The following SP110 variants were observed in gnomAD, a reference collection of about 807,000 sequenced individuals.
SP110 encodes SP110 nuclear body protein.
In SP110, 62 loss-of-function variants were observed where a neutral mutation model predicts 92.7. The ratio of observed to expected loss-of-function variants is 0.67; its 90% CI spans 0.55 to 0.83. SP110 has a LOEUF of 0.83. SP110 is among the 40% of genes least tolerant of loss of function. The probability of loss-of-function intolerance (pLI) is 0.00; values close to 1 mark genes in which losing one functional copy is unlikely to be tolerated. For synonymous variants in SP110, 273 were observed against 305.3 expected (o/e 0.89, Z 1.10); for missense variants, 793 against 863.9 (o/e 0.92, Z 1.03).
intron 18 of SP110, 137 bp downstream of exon 18, chr2:230,170,484 G>T (rs779529112): frequency 1.4e-4 from 150 of 1,044,734 alleles, no homozygotes; most frequent in Middle Eastern, 2.1e-4. Flanking sequence ...TGCCGAGGTG[G>T]TTTTTTTTCT....
At chr2:230,207,728 C>T (rs909765208) in intron 8 of SP110, among the ~76,000 whole-genome samples, 1 of 152,312 alleles carries the variant, frequency 6.6e-6, no homozygotes, top group South Asian at 2.1e-4. Context: ...CTCTGCATCT[C>T]CACTGTCAGA....
intron 6 of SP110, among the ~76,000 whole-genome samples, chr2:230,210,629 A>G (rs1372177983): frequency 6.6e-6 from 1 of 152,226 alleles, no homozygotes; most frequent in Non-Finnish European, 1.5e-5. Context: ...AGCACCTGTT[A>G]ACAGCAAAGA....
intron 17 of SP110, 138 bp downstream of exon 17, chr2:230,171,558 G>A: frequency 1.4e-6 from 1 of 738,724 alleles, no homozygotes; most frequent in South Asian, 1.5e-5. Flanking sequence ...CAAAATCCCT[G>A]CTGCCCCGCT....
rs756202587 is a variant in SP110, at chr2:230,169,205, T to C, written c.2061A>G (p.Leu687=). The C allele has an allele frequency of 9.3e-6, 15 of 1,613,354 alleles. No individual in the cohort carries two copies. The highest frequency in any genetic ancestry group is 1.7e-5 in the Admixed American group (1 of 60,008). ...TGAGATCTTTTTCAAATTCTGCCTC[T>C]AAGTCAAGTCCTACCTGGCCAAAGT... ...ASDFGQVGLD[L]EAEFEKDLKD... Residue 687 remains leucine (L), a synonymous_variant, in exon 19 of 19, where the codon TTA becomes TTG. Transcript: ENST00000258381.
chr2:230,165,377 A>C lies in SP110; in HGVS notation c.*3747T>G, dbSNP rs1047963598. The stretch of plus-strand genomic sequence containing the variant: ...AGTATGGAGAAGTCGTGTCAAGAAA[A>C]GACCAGCAGGGAATCTTAAACAGTG... On this transcript the variant is annotated 3_prime_UTR_variant, in exon 19 of 19. Transcript: ENST00000258381. Among the ~76,000 whole-genome samples the C allele has an allele frequency of 1.3e-5, 2 of 152,250 alleles. No individual in the cohort carries two copies. Among genetic ancestry groups the C allele is most frequent in the Middle Eastern group, 3.2e-3 (1 of 316 alleles).
At position 230,176,876 on chromosome 2, in the gene SP110, CCA is replaced by C; in HGVS notation, c.1590+660_1590+661del. 3.9e-6 allele frequency: 3 copies of C among 774,632 alleles called. No individual in the cohort carries two copies. In the South Asian group the frequency reaches 4.8e-5, roughly 12 times the overall value. 48.0% of individuals were successfully genotyped at this position (774,632 alleles called of 1,614,324 possible). The stretch of plus-strand genomic sequence containing the variant: ...CAAAAAGAAAAATTAGCTCCCTCCC[CCA>C]GTCAGTTTTTCTTCTGGACCTCACT... On this transcript the variant is annotated intron_variant, in intron 14 of 18. Coordinates refer to ENST00000258381, the MANE Select transcript of SP110 (RefSeq NM_080424.4).
intron 8 of SP110, among the ~76,000 whole-genome samples, chr2:230,205,947 G>C (rs995738568): frequency 6.6e-6 from 1 of 152,192 alleles, no homozygotes; most frequent in Non-Finnish European, 1.5e-5. Context: ...GAGGCCCATA[G>C]AGAATACACA....
chr2:230,200,120 AATG>A (rs1351864793), intron 10 of SP110, among the ~76,000 whole-genome samples: 6 of 152,208 alleles, frequency 3.9e-5, no homozygotes, highest in Non-Finnish European at 8.8e-5. Context: ...AAACTGTTAA[AATG>A]ATAATTTAGA....
chr2:230,172,038 A>G (rs34897866), intron 16 of SP110, 28 bp downstream of exon 16: 145,505 of 1,332,308 alleles, frequency 0.11, 8,713 homozygotes, highest in Non-Finnish European at 0.12. Flanking sequence ...AGGGAAAAGT[A>G]TAGGTTTGGG....
At position 230,199,615 on chromosome 2, in the gene SP110, T is replaced by C. The variant is rs118117655; in HGVS notation, c.1129+1270A>G. Among the ~76,000 whole-genome samples the C allele has an allele frequency of 5.0e-3, 767 of 152,272 alleles. 7 individuals carry two copies. Among genetic ancestry groups the C allele is most frequent in the Admixed American group, 0.019 (286 of 15,290 alleles). On this transcript the variant is annotated intron_variant, in intron 10 of 18. Transcript: ENST00000258381. ...TGATTTTAAAAAGCATAACGCTTTT[T>C]CTGGCTTGGATGTCTTTTATGGCCT...
chr2:230,206,578 AT>A (rs2043830327), intron 8 of SP110, among the ~76,000 whole-genome samples: 1 of 124,968 alleles, frequency 8.0e-6, no homozygotes, highest in Admixed American at 8.8e-5. Context: ...GATATTATAT[AT>A]TATCTGGTCC....
intron 2 of SP110, among the ~76,000 whole-genome samples, chr2:230,215,409 GA>G (rs2045018016): frequency 6.6e-6 from 1 of 152,204 alleles, no homozygotes; most frequent in African/African-American, 2.4e-5. Flanking sequence ...AGAGAAATTT[GA>G]AGGAAGGAAA....
chr2:230,220,494 G>C (rs1490728068), upstream of SP110, among the ~76,000 whole-genome samples: 1 of 152,188 alleles, frequency 6.6e-6, no homozygotes, highest in Non-Finnish European at 1.5e-5. Context: ...AAATGAAAGG[G>C]AACCTGCACA....
intron 8 of SP110, among the ~76,000 whole-genome samples, chr2:230,204,645 C>T (rs1009642637): frequency 6.6e-6 from 1 of 151,050 alleles, no homozygotes; most frequent in Non-Finnish European, 1.5e-5. Flanking sequence ...CTAATTTGTG[C>T]CAGGACATTA....
At chr2:230,200,716 T>G in intron 10 of SP110, 169 bp downstream of exon 10, 1 of 650,720 alleles carries the variant, frequency 1.5e-6, no homozygotes, top group Non-Finnish European at 2.7e-6. Context: ...ATATTTGTAG[T>G]AGTAAATATC....
At chr2:230,178,970 G>A (rs2041993397) in intron 12 of SP110, among the ~76,000 whole-genome samples, 1 of 152,144 alleles carries the variant, frequency 6.6e-6, no homozygotes, top group African/African-American at 2.4e-5. Flanking sequence ...GAGACAGCAG[G>A]GGCTGTTTCT....
At chr2:230,207,191 CA>C (rs2043962050) in intron 8 of SP110, among the ~76,000 whole-genome samples, 1 of 152,164 alleles carries the variant, frequency 6.6e-6, no homozygotes, top group African/African-American at 2.4e-5. Flanking sequence ...CTATCCCTCT[CA>C]TGTATCTAAA....
chr2:230,199,156 T>A (rs1310229808), intron 10 of SP110, among the ~76,000 whole-genome samples: 69 of 137,132 alleles, frequency 5.0e-4, no homozygotes, highest in Admixed American at 9.0e-4. Context: ...TTATTTTTTT[T>A]TTTTTTTAGT....
chr2:230,175,861 A>T (rs2041833245), intron 14 of SP110, among the ~76,000 whole-genome samples: 2 of 152,192 alleles, frequency 1.3e-5, no homozygotes, highest in Admixed American at 1.3e-4. Context: ...CTCAGTATGC[A>T]ATCATGGATG....
Sources: allele counts gnomAD v4.1 joint callset (sites outside exome capture counted in the v4.1 genomes callset), GRCh38; gene constraint gnomAD v4.1.1; transcripts MANE v1.5; gene names NCBI Gene and HGNC (gene_info 2026-07-23, HGNC 2026-07-21).